The following ESRRG variants were observed in gnomAD, a reference collection of about 807,000 sequenced individuals.
The protein encoded by ESRRG is estrogen-related receptor gamma.
ESRRG carries 13 observed loss-of-function variants against 44.0 expected under a neutral mutation model. The observed-to-expected ratio is 0.30, with a 90% CI of 0.19 to 0.47. The LOEUF is 0.47. Among genes scored for constraint, ESRRG ranks in the 20% least tolerant of loss-of-function variants. The pLI, the probability that ESRRG is intolerant of heterozygous loss-of-function variation, is 1.00. For missense variants in ESRRG, 395 were observed against 580.6 expected (o/e 0.68, Z 3.29); for synonymous variants, 215 against 214.6 (o/e 1.00, Z -0.02).
intron 3 of ESRRG, among the ~76,000 whole-genome samples, chr1:216,645,902 A>G (rs1206642732): frequency 6.6e-6 from 1 of 150,602 alleles, no homozygotes; most frequent in East Asian, 1.9e-4. Flanking sequence ...AAATGCCCAC[A>G]AAAATTTACT....
rs1292518838 is a variant in ESRRG, at chr1:216,504,496, G to C, written c.*2443C>G. ...CTGAGAAACCACAATCTACAATATA[G>C]TCCCATATAGCTAATGATAGATACA... On this transcript the variant is annotated 3_prime_UTR_variant, in exon 7 of 7. Transcript: ENST00000408911. 1 of 152,446 alleles carries C rather than the reference G, an allele frequency of 6.6e-6. No homozygotes were observed. The highest frequency in any genetic ancestry group is 1.5e-5 in the Non-Finnish European group (1 of 68,000). The allele number at this position is 152,446 out of a possible 1,614,324, so 9.4% of individuals were successfully genotyped here.
chr1:216,622,520 C>T (rs1447402358), intron 3 of ESRRG, among the ~76,000 whole-genome samples: 4 of 152,026 alleles, frequency 2.6e-5, no homozygotes, highest in Non-Finnish European at 5.9e-5. Flanking sequence ...ATGGCCTACA[C>T]GTTGTAAAAA....
At chr1:216,826,315 G>A (rs571053470) in intron 2 of ESRRG, among the ~76,000 whole-genome samples, 25 of 152,102 alleles carry the variant, frequency 1.6e-4, no homozygotes, top group African/African-American at 5.5e-4. Flanking sequence ...GTAAATAAAT[G>A]GTATGATGAA....
intron 1 of ESRRG, among the ~76,000 whole-genome samples, chr1:217,059,036 T>C (rs1309049886): frequency 6.7e-6 from 1 of 148,554 alleles, no homozygotes; most frequent in Non-Finnish European, 1.5e-5. Flanking sequence ...AATTATAGCA[T>C]ATTATAGAAT....
At chr1:216,914,917 A>C (rs540621062) in intron 2 of ESRRG, among the ~76,000 whole-genome samples, 3 of 152,306 alleles carry the variant, frequency 2.0e-5, no homozygotes, top group East Asian at 1.9e-4. Context: ...CTCTGAAAAA[A>C]TGTTCACAGC....
At chr1:216,773,651 T>C (rs2093472784) in intron 2 of ESRRG, among the ~76,000 whole-genome samples, 2 of 152,132 alleles carry the variant, frequency 1.3e-5, no homozygotes, top group African/African-American at 2.4e-5. Context: ...TCTAAGGTCT[T>C]TCATGAAGAA....
chr1:216,655,747 A>C (rs2070330974), intron 2 of ESRRG, among the ~76,000 whole-genome samples: 1 of 152,130 alleles, frequency 6.6e-6, no homozygotes, highest in Non-Finnish European at 1.5e-5. Context: ...CATCATTCTA[A>C]ATAACTTATT....
At chr1:217,105,986 C>G (rs6604653) in intron 1 of ESRRG, among the ~76,000 whole-genome samples, 24,545 of 152,116 alleles carry the variant, frequency 0.16, 2,218 homozygotes, top group Middle Eastern at 0.24. Context: ...ATGAGAGTGA[C>G]CAAATTCAGA....
At chr1:217,027,820 C>T (rs1049881293) in intron 1 of ESRRG, among the ~76,000 whole-genome samples, 13 of 152,118 alleles carry the variant, frequency 8.5e-5, no homozygotes, top group African/African-American at 2.9e-4. Context: ...AATAACAATG[C>T]AGGACAACAC....
intron 2 of ESRRG, among the ~76,000 whole-genome samples, chr1:216,651,711 A>G (rs2069016522): frequency 2.0e-5 from 3 of 152,164 alleles, no homozygotes; most frequent in Admixed American, 6.5e-5. Context: ...GGTCATCATC[A>G]TTATCATCCT....
At chr1:216,660,369 T>C (rs1025848783) in intron 2 of ESRRG, among the ~76,000 whole-genome samples, 1 of 152,156 alleles carries the variant, frequency 6.6e-6, no homozygotes, top group Non-Finnish European at 1.5e-5. Context: ...ACAGGTACTC[T>C]TTGATGTGCT....
intron 1 of ESRRG, among the ~76,000 whole-genome samples, chr1:217,135,529 C>CGGCGGCGGCGGCGGCGGTGTT (rs1237570038): frequency 4.4e-4 from 66 of 150,990 alleles, no homozygotes; most frequent in African/African-American, 1.5e-3. Context: ...GGCGCGCGCG[C>CGGCGGCGGCGGCGGCGGTGTT]GGCGGCGGCG....
chr1:217,027,458 A>G (rs2081390462), intron 1 of ESRRG, among the ~76,000 whole-genome samples: 1 of 152,166 alleles, frequency 6.6e-6, no homozygotes, highest in Non-Finnish European at 1.5e-5. Context: ...ATCGAGTTAA[A>G]TCTTAGGGCC....
At chr1:216,944,814 T>C (rs1011056395) in intron 1 of ESRRG, among the ~76,000 whole-genome samples, 86 of 152,090 alleles carry the variant, frequency 5.7e-4, no homozygotes, top group African/African-American at 2.0e-3. Flanking sequence ...ATGGAGATGC[T>C]TTTCTCTCTC....
At chr1:217,095,210 A>G (rs935679543) in intron 1 of ESRRG, among the ~76,000 whole-genome samples, 1 of 152,250 alleles carries the variant, frequency 6.6e-6, no homozygotes, top group African/African-American at 2.4e-5. Context: ...TGATGGCCAC[A>G]ACACAGATAG....
intron 5 of ESRRG, among the ~76,000 whole-genome samples, chr1:216,521,086 T>C (rs1025302603): frequency 1.3e-5 from 2 of 152,198 alleles, no homozygotes; most frequent in African/African-American, 2.4e-5. Flanking sequence ...TGCATTTCTT[T>C]CGTTGTTTAT....
intron 2 of ESRRG, among the ~76,000 whole-genome samples, chr1:216,773,496 A>G (rs911612105): frequency 2.0e-5 from 3 of 152,130 alleles, no homozygotes; most frequent in Non-Finnish European, 4.4e-5. Flanking sequence ...AAAAATTGTC[A>G]ATTGTAGTCA....
chr1:216,687,029 G>A (rs2078113018), intron 1 of ESRRG, among the ~76,000 whole-genome samples: 1 of 147,874 alleles, frequency 6.8e-6, no homozygotes, highest in African/African-American at 2.6e-5. Flanking sequence ...CAGGGCCCGT[G>A]TGTGTGTGTG....
At chr1:216,666,779 C>T (rs2074027116) in intron 2 of ESRRG, among the ~76,000 whole-genome samples, 1 of 152,164 alleles carries the variant, frequency 6.6e-6, no homozygotes, top group Admixed American at 6.5e-5. Context: ...GCAGAAAAGT[C>T]AATGGCATTT....
Sources: gnomAD v4.1 joint callset for allele counts (sites outside exome capture counted in the v4.1 genomes callset) on GRCh38, gnomAD v4.1.1 for gene constraint, MANE v1.5 for transcripts, NCBI Gene and HGNC (gene_info 2026-07-23, HGNC 2026-07-21) for gene names.